C8orf34: variants seen among roughly 807,000 people sequenced by gnomAD.
The protein encoded by C8orf34 is uncharacterized protein C8orf34.
C8orf34 carries 65 observed loss-of-function variants against 68.3 expected under a neutral mutation model. The ratio of observed to expected loss-of-function variants is 0.95; its 90% CI spans 0.78 to 1.17. The LOEUF is 1.17. Among genes scored for constraint, C8orf34 ranks in the 50% most tolerant of loss-of-function variants. The probability of loss-of-function intolerance (pLI) is 0.00; values close to 1 mark genes in which losing one functional copy is unlikely to be tolerated. For missense variants in C8orf34, 664 were observed against 655.4 expected (o/e 1.01, Z -0.14); for synonymous variants, 244 against 241.2 (o/e 1.01, Z -0.11).
chr8:68,342,511 C>G (rs1313254560), intron 1 of C8orf34, among the ~76,000 whole-genome samples: 1 of 152,204 alleles, frequency 6.6e-6, no homozygotes, highest in Non-Finnish European at 1.5e-5. Context: ...CCCCTCTTAT[C>G]TGTGGTTTCA....
intron 8 of C8orf34, 101 bp downstream of exon 8, chr8:68,640,612 T>G: frequency 8.3e-7 from 1 of 1,208,006 alleles, no homozygotes; most frequent in Non-Finnish European, 1.1e-6. Context: ...AAGAACATCT[T>G]TTCCTTCCAG....
At chr8:68,532,683 G>C (rs925309877) in intron 6 of C8orf34, among the ~76,000 whole-genome samples, 3 of 152,180 alleles carry the variant, frequency 2.0e-5, no homozygotes, top group Admixed American at 1.3e-4. Context: ...GGACCTTCTA[G>C]CTCTTCTTTA....
At chr8:68,472,144 G>A (rs1245475128) in intron 4 of C8orf34, among the ~76,000 whole-genome samples, 1 of 152,064 alleles carries the variant, frequency 6.6e-6, no homozygotes, top group Non-Finnish European at 1.5e-5. Context: ...TCTTGGAAAG[G>A]CAGACGTGTT....
intron 1 of C8orf34, among the ~76,000 whole-genome samples, chr8:68,404,979 T>C (rs1028039566): frequency 6.6e-6 from 1 of 152,202 alleles, no homozygotes; most frequent in Non-Finnish European, 1.5e-5. Context: ...TTTCACAATA[T>C]AGATTCTTCC....
At chr8:68,558,546 T>C (rs1268932818) in intron 7 of C8orf34, among the ~76,000 whole-genome samples, 2 of 151,904 alleles carry the variant, frequency 1.3e-5, no homozygotes, top group African/African-American at 4.8e-5. Context: ...TGTCTATAAT[T>C]GTTAGTAATA....
At chr8:68,474,575 G>A (rs1247639625) in intron 4 of C8orf34, among the ~76,000 whole-genome samples, 3 of 152,250 alleles carry the variant, frequency 2.0e-5, no homozygotes, top group Admixed American at 2.0e-4. Flanking sequence ...TGGCTGTCTG[G>A]ACTGTCATAA....
chr8:68,636,553 C>T (rs1197126677), intron 7 of C8orf34, among the ~76,000 whole-genome samples: 1 of 152,102 alleles, frequency 6.6e-6, no homozygotes, highest in Admixed American at 6.6e-5. Flanking sequence ...CCACTGCACT[C>T]TTACCTGGGT....
chr8:68,439,103 A>G lies in C8orf34; in HGVS notation c.328-396A>G, dbSNP rs144045814. ...AGAAGAAAAAAATGATATTGATATA[A>G]GGTAGATGGTGAAGTTTAGCAAAAG... On this transcript the variant is annotated intron_variant, in intron 1 of 13. Transcript: ENST00000518698. The G allele has an allele frequency of 5.4e-3, 835 of 153,758 alleles. 8 individuals are homozygous for G. The highest frequency in any genetic ancestry group is 0.018 in the African/African-American group (737 of 41,624). The allele number at this position is 153,758 out of a possible 1,614,324, so 9.5% of individuals were successfully genotyped here.
intron 1 of C8orf34, among the ~76,000 whole-genome samples, chr8:68,413,237 C>T (rs1368082801): frequency 6.6e-6 from 1 of 152,208 alleles, no homozygotes; most frequent in African/African-American, 2.4e-5. Context: ...CCTCATCTCT[C>T]ATCTACTATT....
chr8:68,436,227 G>A (rs1810660462), intron 1 of C8orf34, among the ~76,000 whole-genome samples: 1 of 151,982 alleles, frequency 6.6e-6, no homozygotes, highest in Admixed American at 6.6e-5. Context: ...AAAAAGAAAA[G>A]AAAAGAAAAA....
At chr8:68,816,196 G>T (rs1333544175) in intron 13 of C8orf34, among the ~76,000 whole-genome samples, 1 of 151,154 alleles carries the variant, frequency 6.6e-6, no homozygotes. Context: ...CATTTAGTCT[G>T]CACTCTCCCT....
At chr8:68,706,363 T>C (rs1429585879) in intron 8 of C8orf34, among the ~76,000 whole-genome samples, 3 of 152,044 alleles carry the variant, frequency 2.0e-5, no homozygotes, top group African/African-American at 7.2e-5. Context: ...AATGGAGATT[T>C]GTTAATATTT....
intron 1 of C8orf34, among the ~76,000 whole-genome samples, chr8:68,421,868 C>G (rs1056133057): frequency 6.6e-6 from 1 of 152,184 alleles, no homozygotes; most frequent in Non-Finnish European, 1.5e-5. Context: ...AACTTACATT[C>G]ATGGCAGAAG....
chr8:68,550,774 T>G (rs1166913400), intron 7 of C8orf34, among the ~76,000 whole-genome samples: 2 of 148,648 alleles, frequency 1.3e-5, no homozygotes, highest in East Asian at 2.0e-4. Context: ...TGTTTTTGTG[T>G]TTTTTTTTTC....
At chr8:68,442,825 A>T (rs1810967951) in intron 2 of C8orf34, among the ~76,000 whole-genome samples, 1 of 152,208 alleles carries the variant, frequency 6.6e-6, no homozygotes, top group African/African-American at 2.4e-5. Context: ...AAGAATAAAG[A>T]GGTCACTATA....
At position 68,521,782 on chromosome 8, in the gene C8orf34, T is replaced by A; in HGVS notation, c.766-17T>A. ...GAAAAAGCCATCTAAGACAGCATAT[T>A]CTTTTCTTCTCTTCAGGAAACAGTG... is the stretch of plus-strand genomic sequence containing the variant. On this transcript the variant is annotated splice_polypyrimidine_tract_variant and intron_variant, in intron 5 of 13. Transcript: ENST00000518698. The A allele has an allele frequency of 6.2e-7, 1 of 1,604,548 alleles. No homozygotes were observed. The highest frequency in any genetic ancestry group is 1.1e-5 in the South Asian group (1 of 89,666).
At chr8:68,628,427 T>C (rs1818599024) in intron 7 of C8orf34, among the ~76,000 whole-genome samples, 1 of 152,154 alleles carries the variant, frequency 6.6e-6, no homozygotes, top group Admixed American at 6.5e-5. Flanking sequence ...TTCGTTCTCC[T>C]TTTTTTCTTT....
chr8:68,709,248 G>A (rs917602542), intron 9 of C8orf34, among the ~76,000 whole-genome samples, 169 bp downstream of exon 9: 2 of 152,160 alleles, frequency 1.3e-5, no homozygotes, highest in Admixed American at 1.3e-4. Context: ...GTCAGGATAA[G>A]AGCAAAGGAG....
At chr8:68,758,505 C>T (rs1822932718) in intron 10 of C8orf34, among the ~76,000 whole-genome samples, 1 of 152,148 alleles carries the variant, frequency 6.6e-6, no homozygotes, top group Admixed American at 6.5e-5. Context: ...TCTCTAGAAA[C>T]AAGTGATATA....
Sources: gnomAD v4.1 joint callset for allele counts (sites outside exome capture counted in the v4.1 genomes callset) on GRCh38, gnomAD v4.1.1 for gene constraint, MANE v1.5 for transcripts, NCBI Gene and HGNC (gene_info 2026-07-23, HGNC 2026-07-21) for gene names.